Variants in BPTF observed in about 807,000 individuals in gnomAD.
The protein encoded by BPTF is nucleosome-remodeling factor subunit BPTF.
In BPTF, 18 loss-of-function variants were observed where a neutral mutation model predicts 292.5. The observed-to-expected ratio is 0.06, with a 90% CI of 0.04 to 0.09. BPTF has a LOEUF of 0.09. Among genes scored for constraint, BPTF ranks in the 10% least tolerant of loss-of-function variants. The pLI, the probability that BPTF is intolerant of heterozygous loss-of-function variation, is 1.00. For missense variants in BPTF, 2,726 were observed against 3,498.7 expected (o/e 0.78, Z 5.57); for synonymous variants, 1,225 against 1,251.9 (o/e 0.98, Z 0.45).
chr17:67,918,176 T>A (rs1367697786), intron 11 of BPTF, among the ~76,000 whole-genome samples: 1 of 152,196 alleles, frequency 6.6e-6, no homozygotes, highest in African/African-American at 2.4e-5. Flanking sequence ...CCTCAGGTGA[T>A]CTGCCCACCT....
chr17:67,830,619 TTGAG>T (rs1055468042), intron 1 of BPTF, among the ~76,000 whole-genome samples: 1 of 151,424 alleles, frequency 6.6e-6, no homozygotes, highest in Non-Finnish European at 1.5e-5. Context: ...GAAAGGCAGA[TTGAG>T]GGAGGGAGGG....
At position 67,901,825 on chromosome 17, in the gene BPTF, C is replaced by T. The variant is rs189365009; in HGVS notation, c.2544-1964C>T. On this transcript the variant is annotated intron_variant, in intron 7 of 27. Transcript: ENST00000306378. Reference sequence around the variant, plus strand: ...CTGAAGAGTAGTTTGACCCTATATCCGTCAGCATTTTCAGTGCAAGAACTT... The same window carrying T: ...CTGAAGAGTAGTTTGACCCTATATCTGTCAGCATTTTCAGTGCAAGAACTT... Among the ~76,000 whole-genome samples, 39 of 152,322 alleles carry T rather than the reference C, an allele frequency of 2.6e-4. 2 individuals carry two copies. The East Asian group carries it at 4.6e-3, about 18-fold the overall frequency.
At position 67,945,805 on chromosome 17, in the gene BPTF, A is replaced by G; in HGVS notation, c.7097A>G (p.Gln2366Arg). Residue 2366 changes from glutamine to arginine, a missense_variant, in exon 21 of 28, where the codon CAG becomes CGG. Physicochemically the swap from Gln to Arg is conservative, Grantham distance 43. Transcript: ENST00000306378. The part of the protein sequence containing the change: ...PSQLSPGQQS[Q>R]VQTTTSQPIP... ...CAACTGTCTCCTGGACAACAATCCC[A>G]GGTTCAGACTACAACCTCACAACCG... is the stretch of plus-strand genomic sequence containing the variant. 1.2e-6 allele frequency: 2 copies of G among 1,614,172 alleles called. No homozygotes were observed. The highest frequency in any genetic ancestry group is 1.7e-6 in the Non-Finnish European group (2 of 1,180,026).
chr17:67,923,700 G>A (rs1195061818), intron 14 of BPTF, among the ~76,000 whole-genome samples: 1 of 150,708 alleles, frequency 6.6e-6, no homozygotes, highest in Non-Finnish European at 1.5e-5. Context: ...GGCTGGTCTC[G>A]AACTCCTGAC....
intron 2 of BPTF, among the ~76,000 whole-genome samples, chr17:67,855,627 A>G (rs982725761): frequency 6.6e-6 from 1 of 152,122 alleles, no homozygotes; most frequent in African/African-American, 2.4e-5. Context: ...CGAGGTCAGG[A>G]GACAGTCTCA....
chr17:67,966,323 G>C, intron 25 of BPTF: 1 of 392,420 alleles, frequency 2.5e-6, no homozygotes, highest in South Asian at 2.9e-5. Flanking sequence ...CCAGAATACT[G>C]ATTTTGTGAC....
intron 1 of BPTF, among the ~76,000 whole-genome samples, chr17:67,839,326 GTT>G (rs1056669394): frequency 6.6e-6 from 1 of 150,562 alleles, no homozygotes; most frequent in African/African-American, 2.5e-5. Context: ...TTTTTCCTAA[GTT>G]TTTTTTTAAA....
chr17:67,841,123 T>G (rs2057521368), intron 1 of BPTF, among the ~76,000 whole-genome samples: 1 of 151,916 alleles, frequency 6.6e-6, no homozygotes, highest in African/African-American at 2.4e-5. Flanking sequence ...GGTCAGATAG[T>G]AAGGCCAGGC....
At chr17:67,945,321 C>G (rs1201105691) in intron 20 of BPTF, 88 bp from the exon 21 acceptor site, 1 of 1,530,068 alleles carries the variant, frequency 6.5e-7, no homozygotes, top group Non-Finnish European at 8.8e-7. Context: ...CCAGAATTCT[C>G]AACTTCAGAA....
At chr17:67,867,709 T>C (rs1186663112) in intron 3 of BPTF, among the ~76,000 whole-genome samples, 1 of 152,196 alleles carries the variant, frequency 6.6e-6, no homozygotes, top group Non-Finnish European at 1.5e-5. Flanking sequence ...TATGGGTTTT[T>C]CTCATGGTTA....
intron 27 of BPTF, among the ~76,000 whole-genome samples, chr17:67,976,284 C>T (rs2069404132): frequency 6.6e-6 from 1 of 152,186 alleles, no homozygotes; most frequent in East Asian, 1.9e-4. Context: ...CCCAGACTGG[C>T]CAACATGGGG....
At chr17:67,840,544 C>T (rs2057474748) in intron 1 of BPTF, among the ~76,000 whole-genome samples, 1 of 151,414 alleles carries the variant, frequency 6.6e-6, no homozygotes, top group Admixed American at 6.6e-5. Flanking sequence ...TCTCCTTCTC[C>T]TCTTCCTCCT....
intron 13 of BPTF, among the ~76,000 whole-genome samples, chr17:67,921,299 C>G (rs565245621): frequency 1.3e-5 from 2 of 149,700 alleles, no homozygotes; most frequent in Admixed American, 6.7e-5. Context: ...CCGAGGCGGG[C>G]AGATCACTTG....
chr17:67,925,152 G>A (rs1381677102), intron 15 of BPTF, among the ~76,000 whole-genome samples: 1 of 150,096 alleles, frequency 6.7e-6, no homozygotes, highest in Non-Finnish European at 1.5e-5. Context: ...TTTGTAAAAA[G>A]TATACATATT....
chr17:67,917,263 G>T (rs2063099901), intron 11 of BPTF, among the ~76,000 whole-genome samples: 1 of 150,758 alleles, frequency 6.6e-6, no homozygotes, highest in Non-Finnish European at 1.5e-5. Flanking sequence ...CTCCCAACTA[G>T]CTGGGATTAC....
chr17:67,908,569 T>C (rs1000348180), intron 9 of BPTF, among the ~76,000 whole-genome samples: 2 of 148,514 alleles, frequency 1.3e-5, no homozygotes, highest in African/African-American at 2.5e-5. Flanking sequence ...CTCAGTTCAC[T>C]GCAGCCTCCA....
At chr17:67,920,844 A>T (rs2063382355) in intron 13 of BPTF, among the ~76,000 whole-genome samples, 1 of 152,162 alleles carries the variant, frequency 6.6e-6, no homozygotes, top group Non-Finnish European at 1.5e-5. Context: ...TAGTATCCAG[A>T]TTGAAAATAT....
intron 3 of BPTF, among the ~76,000 whole-genome samples, chr17:67,871,895 G>A (rs1317157801): frequency 2.6e-5 from 4 of 151,914 alleles, no homozygotes; most frequent in South Asian, 4.1e-4. Flanking sequence ...GCATGATCTC[G>A]GCTCACTGCA....
intron 27 of BPTF, among the ~76,000 whole-genome samples, chr17:67,977,429 C>G (rs568292732): frequency 6.6e-6 from 1 of 151,964 alleles, no homozygotes; most frequent in African/African-American, 2.4e-5. Context: ...GCATGAGAAT[C>G]GCTTGAACCC....
Sources: gnomAD v4.1 joint callset for allele counts (sites outside exome capture counted in the v4.1 genomes callset) on GRCh38, gnomAD v4.1.1 for gene constraint, MANE v1.5 for transcripts, NCBI Gene and HGNC (gene_info 2026-07-23, HGNC 2026-07-21) for gene names.